MACC1: variants seen among roughly 807,000 people sequenced by gnomAD.
MACC1 encodes the protein MET transcriptional regulator MACC1, also known as metastasis-associated in colon cancer protein 1.
MACC1 carries 79 observed loss-of-function variants against 70.7 expected under a neutral mutation model. The ratio of observed to expected loss-of-function variants is 1.12; its 90% CI spans 0.93 to 1.35. MACC1 has a LOEUF of 1.35. Among genes scored for constraint, MACC1 ranks in the 40% most tolerant of loss-of-function variants. MACC1 has a pLI of 0.00. For missense variants in MACC1, 1,106 were observed against 978.1 expected (o/e 1.13, Z -1.74); for synonymous variants, 361 against 347.2 (o/e 1.04, Z -0.44).
At chr7:20,181,028 G>A (rs3114466) in intron 1 of MACC1, among the ~76,000 whole-genome samples, 73,410 of 151,816 alleles carry the variant, frequency 0.48, 19,458 homozygotes, top group East Asian at 0.85. Flanking sequence ...GTGATTTTAA[G>A]CTAATAAATT....
intron 3 of MACC1, among the ~76,000 whole-genome samples, chr7:20,163,117 C>A (rs905293312): frequency 7.9e-5 from 12 of 152,016 alleles, no homozygotes; most frequent in South Asian, 4.1e-4. Context: ...TGAAAAAATT[C>A]TCTAAATGAA....
At position 20,139,965 on chromosome 7, in the gene MACC1, T is replaced by C. The variant is rs1380163032; in HGVS notation, c.*981A>G. On this transcript the variant is annotated 3_prime_UTR_variant, in exon 7 of 7. Coordinates refer to ENST00000400331, the MANE Select transcript of MACC1 (RefSeq NM_182762.4). ...AAGTTAATCAAGTTTCTGGTGGTGG[T>C]GGTTTTTAATAACTCGTATTATTAA... is the stretch of plus-strand genomic sequence containing the variant. 1 of 152,126 alleles carries C rather than the reference T, an allele frequency of 6.6e-6. No individual in the cohort carries two copies. Among genetic ancestry groups the C allele is most frequent in the African/African-American group, 2.4e-5 (1 of 41,432 alleles). The allele number at this position is 152,126 out of a possible 1,614,324, so 9.4% of individuals were successfully genotyped here. A position where few individuals can be genotyped will look rare whatever the true frequency, so the allele number is the denominator to read the frequency against.
At chr7:20,193,056 G>C (rs992953306) in intron 1 of MACC1, among the ~76,000 whole-genome samples, 2 of 152,014 alleles carry the variant, frequency 1.3e-5, no homozygotes, top group African/African-American at 4.8e-5. Context: ...ATAAACTTTA[G>C]GCCCCGCAAA....
intron 1 of MACC1, among the ~76,000 whole-genome samples, chr7:20,199,438 G>T (rs1480909511): frequency 6.6e-6 from 1 of 152,228 alleles, no homozygotes; most frequent in Non-Finnish European, 1.5e-5. Flanking sequence ...GGAGGCTTCA[G>T]TTCAACCCAG....
chr7:20,161,851 A>T lies in MACC1; in HGVS notation c.12T>A (p.Thr4=), dbSNP rs1782143554. 1 of 1,608,548 alleles carries T rather than the reference A, an allele frequency of 6.2e-7. No individual in the cohort carries two copies. Among genetic ancestry groups the T allele is most frequent in the South Asian group, 1.1e-5 (1 of 90,922 alleles). The change falls in exon 4 of 7, where the codon ACT becomes ACA. Residue 4 remains threonine, a synonymous_variant. Coordinates refer to ENST00000400331, the MANE Select transcript of MACC1 (RefSeq NM_182762.4). Reference sequence around the variant, plus strand: ...TTCCTGACCGAAAATGTTTTCTTTCAGTGATTAGCATTTTTCCACCTACAA... The same window carrying T: ...TTCCTGACCGAAAATGTTTTCTTTCTGTGATTAGCATTTTTCCACCTACAA... MLI[T]ERKHFRSGRI... is the part of the protein sequence containing the mutation.
chr7:20,213,408 A>G (rs1262123982), intron 1 of MACC1, among the ~76,000 whole-genome samples: 1 of 152,254 alleles, frequency 6.6e-6, no homozygotes, highest in Non-Finnish European at 1.5e-5. Context: ...CATTTTATCC[A>G]GCAATCCCAT....
intron 1 of MACC1, among the ~76,000 whole-genome samples, chr7:20,182,874 A>C (rs1782531806): frequency 6.6e-6 from 1 of 152,244 alleles, no homozygotes; most frequent in Non-Finnish European, 1.5e-5. Flanking sequence ...ATTTACAAAA[A>C]CTAATGGGAA....
rs1240946546 is a variant in MACC1 at position 20,134,955 on chromosome 7, G to A, written c.*5991C>T. The A allele has an allele frequency of 6.6e-6, 1 of 152,070 alleles. No individual in the cohort carries two copies. Among genetic ancestry groups the A allele is most frequent in the Non-Finnish European group, 1.5e-5 (1 of 68,016 alleles). The allele number at this position is 152,070 out of a possible 1,614,324, so 9.4% of individuals were successfully genotyped here. On this transcript the variant is annotated 3_prime_UTR_variant, in exon 7 of 7. Coordinates refer to ENST00000400331, the MANE Select transcript of MACC1 (RefSeq NM_182762.4). Reference sequence around the variant, plus strand: ...TCTCAGTCACCATCTCTTTAAATGTGGAATATGATCCTTAGAAAGAACATC... The same window carrying A: ...TCTCAGTCACCATCTCTTTAAATGTAGAATATGATCCTTAGAAAGAACATC...
intron 4 of MACC1, among the ~76,000 whole-genome samples, chr7:20,161,373 CTT>C (rs893503995): frequency 6.6e-6 from 1 of 151,992 alleles, no homozygotes; most frequent in Non-Finnish European, 1.5e-5. Context: ...TATATTCACA[CTT>C]TTCTTTAATA....
chr7:20,213,044 T>A (rs1783021511), intron 1 of MACC1, among the ~76,000 whole-genome samples: 1 of 152,166 alleles, frequency 6.6e-6, no homozygotes, highest in Non-Finnish European at 1.5e-5. Flanking sequence ...CTTGGTCGAC[T>A]TGACATTTCC....
chr7:20,167,978 G>A (rs983084449), intron 2 of MACC1, among the ~76,000 whole-genome samples: 2 of 152,184 alleles, frequency 1.3e-5, no homozygotes, highest in African/African-American at 2.4e-5. Flanking sequence ...TTCAGACCCA[G>A]AGAAATGACT....
In MACC1 at chr7:20,185,909, G is replaced by A. The variant is rs139489741; in HGVS notation, c.-217-15131C>T. Among the ~76,000 whole-genome samples, 28 of 152,236 alleles carry A rather than the reference G, an allele frequency of 1.8e-4. No homozygotes were observed. The East Asian group carries it at 4.6e-3, about 25-fold the overall frequency. On this transcript the variant is annotated intron_variant, in intron 1 of 6. Coordinates refer to ENST00000400331, the MANE Select transcript of MACC1 (RefSeq NM_182762.4). ...TAATTAACCTACCCAACATCATCCC[G>A]GTAGGAAGTAAAGAAGACAAGAGAA...
rs574523268 is a variant in MACC1, at chr7:20,159,332, T to G, written c.1029A>C (p.Val343=). The G allele has an allele frequency of 1.1e-5, 17 of 1,614,124 alleles. No homozygotes were observed. In the African/African-American group the frequency reaches 2.0e-4, roughly 19 times the overall value. ...IQVKLIDLSQ[V]MYLVVAAQAK... ...CTTGTGCAGCAACCACTAGATACAT[T>G]ACCTGACTCAAGTCGATTAGCTTGA... is the stretch of plus-strand genomic sequence containing the variant. Residue 343 remains valine, a synonymous_variant, in exon 5 of 7, where the codon GTA becomes GTC. Coordinates refer to ENST00000400331, the MANE Select transcript of MACC1 (RefSeq NM_182762.4).
intron 2 of MACC1, 66 bp from the exon 3 acceptor site, chr7:20,164,465 A>G (rs1232840773): frequency 1.3e-5 from 2 of 152,248 alleles, no homozygotes; most frequent in African/African-American, 2.4e-5. Context: ...AAGAAAAAGA[A>G]AAGGAAAAGG....
At position 20,161,753 on chromosome 7, in the gene MACC1, A is replaced by C. The variant is rs73683397; in HGVS notation, c.110T>G (p.Ile37Ser). The part of the protein sequence containing the change: ...EAGKLSKSCN[I>S]TECQDPDLLH... ...ACAGTTATAAATTCCCATACCTGTAATATTGCAACTTTTTGAGAGTTTTCC... is the reference window on the plus strand; with the variant it reads ...ACAGTTATAAATTCCCATACCTGTACTATTGCAACTTTTTGAGAGTTTTCC... The change falls in exon 4 of 7, where the codon ATT (isoleucine) becomes AGT (serine). Residue 37 changes from isoleucine to serine, a missense_variant. By Grantham distance (142) the Ile-to-Ser change is moderately radical (BLOSUM62 -2). Coordinates refer to ENST00000400331, the MANE Select transcript of MACC1 (RefSeq NM_182762.4). 7.0e-4 allele frequency: 1,118 copies of C among 1,599,756 alleles called. 6 individuals are homozygous for C. In the African/African-American group the frequency reaches 0.013, roughly 19 times the overall value.
intron 1 of MACC1, among the ~76,000 whole-genome samples, chr7:20,184,542 T>C (rs1782556596): frequency 6.6e-6 from 1 of 152,256 alleles, no homozygotes; most frequent in East Asian, 1.9e-4. Flanking sequence ...AGAATTGTTA[T>C]AAATTTTCAA....
intron 1 of MACC1, among the ~76,000 whole-genome samples, chr7:20,173,852 T>A (rs1288381208): frequency 3.9e-5 from 6 of 152,192 alleles, no homozygotes; most frequent in Admixed American, 3.9e-4. Context: ...AAACTAGCTC[T>A]GAAAGTGAGG....
chr7:20,207,227 G>A (rs192957746), intron 1 of MACC1, among the ~76,000 whole-genome samples: 8 of 151,524 alleles, frequency 5.3e-5, no homozygotes, highest in East Asian at 1.9e-4. Flanking sequence ...TGCAACCTCC[G>A]CCTCCTAGGT....
intron 6 of MACC1, among the ~76,000 whole-genome samples, chr7:20,152,121 A>T (rs1406791345): frequency 1.3e-5 from 2 of 152,220 alleles, no homozygotes; most frequent in African/African-American, 4.8e-5. Context: ...AGATACAATA[A>T]AAATAGAACA....
Sources: gnomAD v4.1 joint callset for allele counts (sites outside exome capture counted in the v4.1 genomes callset) on GRCh38, gnomAD v4.1.1 for gene constraint, MANE v1.5 for transcripts, NCBI Gene and HGNC (gene_info 2026-07-23, HGNC 2026-07-21) for gene names.